Variants in CCDC85A observed in about 807,000 individuals in gnomAD.
The protein encoded by CCDC85A is coiled-coil domain-containing protein 85A.
A neutral mutation model predicts 50.2 loss-of-function variants in CCDC85A; 38 were observed. That is an observed-to-expected ratio of 0.76 (90% CI 0.58 to 0.99). The LOEUF (loss-of-function observed/expected upper bound fraction) is 0.99. Among genes scored for constraint, CCDC85A ranks in the 50% least tolerant of loss-of-function variants. CCDC85A has a pLI of 0.00. For synonymous variants in CCDC85A, 366 were observed against 301.4 expected, an observed-to-expected ratio of 1.21 and a Z score of -2.22; for missense variants, 820 against 742.0, an observed-to-expected ratio of 1.11 and a Z score of -1.22.
intron 2 of CCDC85A, among the ~76,000 whole-genome samples, chr2:56,253,210 G>T (rs1310314771): frequency 6.6e-6 from 1 of 152,010 alleles, no homozygotes; most frequent in African/African-American, 2.4e-5. Context: ...AAGTCCCTAC[G>T]CCCATCAAGG....
Position 56,192,965 on chromosome 2 carries a change from C to T in CCDC85A, c.765C>T (p.Ser255=). ...SPEHSKHRSA[S]PEHPQKPRAC... ...AGCACTCCAAGCACAGGAGCGCCAG[C>T]CCCGAGCATCCACAGAAACCCAGAG... is the stretch of plus-strand genomic sequence containing the variant. The change falls in exon 2 of 6, where the codon AGC becomes AGT. Residue 255 remains serine (S), a synonymous_variant. Transcript: ENST00000407595. The surrounding 1 kb of genome is among the most constrained non-coding windows in gnomAD (Gnocchi z 4.7). 6.2e-7 allele frequency: 1 copy of T among 1,612,976 alleles called. No homozygotes were observed. Among genetic ancestry groups the T allele is most frequent in the Non-Finnish European group, 8.5e-7 (1 of 1,179,622 alleles).
chr2:56,246,476 T>C (rs1266095601), intron 2 of CCDC85A, among the ~76,000 whole-genome samples: 2 of 152,318 alleles, frequency 1.3e-5, no homozygotes, highest in East Asian at 1.9e-4. Flanking sequence ...GCCTATGTTT[T>C]CTTCTAAAAG....
chr2:56,376,523 G>T (rs1420266512), intron 5 of CCDC85A, among the ~76,000 whole-genome samples: 6 of 152,188 alleles, frequency 3.9e-5, no homozygotes, highest in Middle Eastern at 3.4e-3. Context: ...TTCACATTTT[G>T]CAGTGATTTC....
intron 2 of CCDC85A, among the ~76,000 whole-genome samples, chr2:56,279,795 A>G (rs781426166): frequency 1.5e-4 from 23 of 152,238 alleles, no homozygotes; most frequent in Non-Finnish European, 2.9e-4. Flanking sequence ...TGACTGAGCA[A>G]TATTCCATTG....
intron 2 of CCDC85A, among the ~76,000 whole-genome samples, chr2:56,215,103 C>G (rs1027125901): frequency 6.6e-6 from 1 of 151,832 alleles, no homozygotes; most frequent in African/African-American, 2.4e-5. Flanking sequence ...GGGTTTATAC[C>G]TAAGTATTTT....
At chr2:56,241,307 A>G (rs891990181) in intron 2 of CCDC85A, among the ~76,000 whole-genome samples, 1 of 152,162 alleles carries the variant, frequency 6.6e-6, no homozygotes, top group Admixed American at 6.5e-5. Context: ...TCAAGCATTT[A>G]TCGTTTGTGT....
At position 56,193,459 on chromosome 2, in the gene CCDC85A, G is replaced by C. The variant is rs754391823; in HGVS notation, c.1240+19G>C. The stretch of plus-strand genomic sequence containing the variant: ...ATGAACGGTGGGTCAGTATGTGCTG[G>C]GGTGCTGCTTGGGCTGGGGAACTCA... On this transcript the variant is annotated intron_variant, in intron 2 of 5. Coordinates refer to ENST00000407595, the MANE Select transcript of CCDC85A (RefSeq NM_001080433.2). 7 of 1,572,380 alleles carry C rather than the reference G, an allele frequency of 4.5e-6. No individual in the cohort carries two copies. Among genetic ancestry groups the C allele is most frequent in the Admixed American group, 1.8e-5 (1 of 56,208 alleles).
At chr2:56,344,201 A>C (rs763813003) in intron 3 of CCDC85A, among the ~76,000 whole-genome samples, 9 of 152,186 alleles carry the variant, frequency 5.9e-5, no homozygotes, top group African/African-American at 2.2e-4. Context: ...TTAATTCATG[A>C]ATTAGACACA....
At chr2:56,343,393 T>C (rs1674471851) in intron 3 of CCDC85A, among the ~76,000 whole-genome samples, 2 of 152,260 alleles carry the variant, frequency 1.3e-5, no homozygotes, top group South Asian at 2.1e-4. Flanking sequence ...TAGTACATTC[T>C]AAAATTCTTT....
At chr2:56,274,606 C>T (rs1220093572) in intron 2 of CCDC85A, among the ~76,000 whole-genome samples, 1 of 152,198 alleles carries the variant, frequency 6.6e-6, no homozygotes, top group Non-Finnish European at 1.5e-5. Flanking sequence ...TATGGATTGT[C>T]AGTGTTAATT....
At chr2:56,259,386 G>A (rs1277424503) in intron 2 of CCDC85A, among the ~76,000 whole-genome samples, 1 of 152,168 alleles carries the variant, frequency 6.6e-6, no homozygotes, top group Non-Finnish European at 1.5e-5. Context: ...GGCTTCCCCG[G>A]CACCATATCC....
At chr2:56,294,769 G>C (rs958919442) in intron 2 of CCDC85A, among the ~76,000 whole-genome samples, 4 of 152,176 alleles carry the variant, frequency 2.6e-5, no homozygotes, top group Non-Finnish European at 2.9e-5. Flanking sequence ...GAGGAGAACT[G>C]CCAGAAAATA....
At chr2:56,231,045 G>T (rs4672098) in intron 2 of CCDC85A, among the ~76,000 whole-genome samples, 33,748 of 151,994 alleles carry the variant, frequency 0.22, 4,230 homozygotes, top group Middle Eastern at 0.31. Context: ...ATACTAAAAG[G>T]CATAAGATTT....
chr2:56,274,167 G>A (rs1670822117), intron 2 of CCDC85A, among the ~76,000 whole-genome samples: 1 of 152,014 alleles, frequency 6.6e-6, no homozygotes, highest in South Asian at 2.1e-4. Context: ...CTTTACCCCT[G>A]CCCCTACCAT....
chr2:56,383,108 T>C (rs900661178), intron 5 of CCDC85A, among the ~76,000 whole-genome samples: 1 of 151,952 alleles, frequency 6.6e-6, no homozygotes, highest in South Asian at 2.1e-4. Flanking sequence ...ATGCCATGTA[T>C]TGGTATATGC....
chr2:56,300,153 G>A (rs1463370524), intron 2 of CCDC85A, among the ~76,000 whole-genome samples: 1 of 152,044 alleles, frequency 6.6e-6, no homozygotes, highest in Non-Finnish European at 1.5e-5. Context: ...TGGCCTGTTA[G>A]GTTATCAATG....
At chr2:56,337,952 T>C (rs1674160472) in intron 2 of CCDC85A, among the ~76,000 whole-genome samples, 1 of 151,946 alleles carries the variant, frequency 6.6e-6, no homozygotes, top group South Asian at 2.1e-4. Context: ...GCCCGGCTAA[T>C]TTTTGTATTT....
At chr2:56,288,321 A>T (rs1379292043) in intron 2 of CCDC85A, among the ~76,000 whole-genome samples, 1 of 149,956 alleles carries the variant, frequency 6.7e-6, no homozygotes, top group Non-Finnish European at 1.5e-5. Flanking sequence ...TCCTTTTAGC[A>T]TCAAGATAAA....
intron 2 of CCDC85A, among the ~76,000 whole-genome samples, chr2:56,263,963 G>A (rs1202705503): frequency 1.3e-5 from 2 of 152,104 alleles, no homozygotes; most frequent in Non-Finnish European, 2.9e-5. Flanking sequence ...ATTGTCTTGG[G>A]CCACACTTAA....
Sources: allele counts gnomAD v4.1 joint callset (sites outside exome capture counted in the v4.1 genomes callset), GRCh38; gene constraint gnomAD v4.1.1; non-coding constraint Gnocchi (gnomAD v3.1); transcripts MANE v1.5; gene names NCBI Gene and HGNC (gene_info 2026-07-23, HGNC 2026-07-21).